The following ATPAF2 variants were observed in gnomAD, a reference collection of about 807,000 sequenced individuals.
ATPAF2 encodes ATP12 homolog.
ATPAF2 carries 30 observed loss-of-function variants against 36.6 expected under a neutral mutation model. The ratio of observed to expected loss-of-function variants is 0.82; its 90% CI spans 0.61 to 1.11. The LOEUF (loss-of-function observed/expected upper bound fraction) is 1.11. ATPAF2 is among the 50% of genes most tolerant of loss of function. The pLI is 0.00. For missense variants in ATPAF2, 321 were observed against 372.3 expected, an observed-to-expected ratio of 0.86 and a Z score of 1.13; for synonymous variants, 140 against 152.6, an observed-to-expected ratio of 0.92 and a Z score of 0.61.
downstream of ATPAF2, chr17:18,016,591 C>T (rs375162242): frequency 5.5e-5 from 89 of 1,613,610 alleles, no homozygotes; most frequent in Non-Finnish European, 6.8e-5. Flanking sequence ...GAACCGCAAG[C>T]GCGTGAAGGA....
intron 1 of ATPAF2, among the ~76,000 whole-genome samples, chr17:18,033,484 G>A (rs1326954638): frequency 6.6e-6 from 1 of 151,866 alleles, no homozygotes; most frequent in East Asian, 1.9e-4. Flanking sequence ...CATGTTCTCG[G>A]TGAATACATG....
At chr17:18,029,837 C>T (rs1567577110) in intron 1 of ATPAF2, among the ~76,000 whole-genome samples, 1 of 147,440 alleles carries the variant, frequency 6.8e-6, no homozygotes, top group South Asian at 2.1e-4. Flanking sequence ...GTGATCCAAC[C>T]CGTGAGCCAC....
At chr17:18,028,590 G>C in intron 2 of ATPAF2, 25 bp downstream of exon 2, 1 of 1,490,428 alleles carries the variant, frequency 6.7e-7, no homozygotes. Context: ...AAAAAAAAGA[G>C]GCAGTCAAAA....
At chr17:18,033,831 A>G (rs1362456572) in intron 1 of ATPAF2, among the ~76,000 whole-genome samples, 1 of 152,192 alleles carries the variant, frequency 6.6e-6, no homozygotes, top group Non-Finnish European at 1.5e-5. Flanking sequence ...TAACAAAAAG[A>G]CAAATAGGCT....
intron 4 of ATPAF2, chr17:18,026,039 C>T: frequency 1.9e-6 from 1 of 535,602 alleles, no homozygotes; most frequent in South Asian, 2.0e-5. Context: ...GCCTAAGGGG[C>T]CTGTGGTCAC....
At chr17:18,036,627 T>A (rs1014078368) in intron 1 of ATPAF2, among the ~76,000 whole-genome samples, 1 of 151,978 alleles carries the variant, frequency 6.6e-6, no homozygotes, top group Non-Finnish European at 1.5e-5. Context: ...CCCTTCTCAT[T>A]CATTCATTCC....
intron 3 of ATPAF2, 60 bp downstream of exon 3, chr17:18,028,172 T>A (rs751052829): frequency 7.5e-6 from 12 of 1,610,330 alleles, no homozygotes; most frequent in Middle Eastern, 1.7e-4. Context: ...TGGTAAAGGG[T>A]CTACCCTACG....
chr17:18,030,808 C>T (rs1185557378), intron 1 of ATPAF2, among the ~76,000 whole-genome samples: 2 of 142,340 alleles, frequency 1.4e-5, no homozygotes, highest in Non-Finnish European at 3.0e-5. Flanking sequence ...GCTGCGACTA[C>T]AGGCGCCGCC....
At chr17:18,036,752 T>C (rs754570449) in intron 1 of ATPAF2, among the ~76,000 whole-genome samples, 8 of 152,180 alleles carry the variant, frequency 5.3e-5, no homozygotes, top group Non-Finnish European at 1.0e-4. Context: ...GCCACCATTA[T>C]GTAAAGTGAG....
rs894552601 is a variant in ATPAF2 at position 18,028,379 on chromosome 17, T to C, written c.179-2A>G. On this transcript the variant is annotated splice_acceptor_variant, in intron 2 of 7. Transcript: ENST00000474627. LOFTEE classifies it high-confidence loss of function. ...GGTCCAGGTTTATCTCAAAGCCACC[T>C]TGAAAGATCAAATGAAAAACTCTCA... The C allele has an allele frequency of 6.2e-7, 1 of 1,613,964 alleles. No homozygotes were observed. Among genetic ancestry groups the C allele is most frequent in the Middle Eastern group, 1.6e-4 (1 of 6,062 alleles).
chr17:18,018,735 T>A (rs759271398), intron 7 of ATPAF2, 49 bp from the exon 8 acceptor site: 1 of 1,613,140 alleles, frequency 6.2e-7, no homozygotes, highest in South Asian at 1.1e-5. Context: ...AGTGCCTGGC[T>A]GCCTCCTGAC....
chr17:18,029,251 C>T (rs1254709154), intron 1 of ATPAF2, among the ~76,000 whole-genome samples: 1 of 152,218 alleles, frequency 6.6e-6, no homozygotes, highest in African/African-American at 2.4e-5. Flanking sequence ...AATCTATGTC[C>T]TTTGTTTTCT....
intron 4 of ATPAF2, 36 bp downstream of exon 4, chr17:18,026,283 C>G (rs755847869): frequency 6.4e-7 from 1 of 1,567,690 alleles, no homozygotes. Flanking sequence ...AAAATAGCCT[C>G]AATCCAAGGG....
intron 5 of ATPAF2, 114 bp from the exon 6 acceptor site, chr17:18,021,971 G>A: frequency 1.1e-6 from 1 of 929,932 alleles, no homozygotes; most frequent in Non-Finnish European, 1.7e-6. Flanking sequence ...ATTGGCCAAG[G>A]AGCTAGTCTT....
At chr17:18,019,143 A>ACCACC (rs1452853769) in intron 7 of ATPAF2, among the ~76,000 whole-genome samples, 3 of 129,496 alleles carry the variant, frequency 2.3e-5, no homozygotes, top group Non-Finnish European at 3.2e-5. Flanking sequence ...CTGTCTCAAA[A>ACCACC]ACACCACACA....
At chr17:18,037,010 G>A (rs552847646) in intron 1 of ATPAF2, among the ~76,000 whole-genome samples, 1 of 151,954 alleles carries the variant, frequency 6.6e-6, no homozygotes, top group Non-Finnish European at 1.5e-5. Context: ...GGTAGAGGTT[G>A]CAGTGAGCCA....
At chr17:18,027,081 C>T (rs988917246) in intron 3 of ATPAF2, among the ~76,000 whole-genome samples, 3 of 151,968 alleles carry the variant, frequency 2.0e-5, no homozygotes, top group Non-Finnish European at 4.4e-5. Flanking sequence ...ATTAGCCTGG[C>T]ATGGTGGTGG....
At chr17:18,027,608 A>G (rs1427823486) in intron 3 of ATPAF2, among the ~76,000 whole-genome samples, 1 of 152,190 alleles carries the variant, frequency 6.6e-6, no homozygotes, top group East Asian at 1.9e-4. Context: ...ACAGTTTAGA[A>G]GCTGCAGAGG....
At chr17:18,016,345 A>G (rs2044362775), downstream of ATPAF2, 4 of 959,774 alleles carry the variant, frequency 4.2e-6, no homozygotes, top group African/African-American at 4.9e-5. Context: ...ACTGAAGACA[A>G]CATTGCCCAG....
Sources: allele counts gnomAD v4.1 joint callset (sites outside exome capture counted in the v4.1 genomes callset), GRCh38; gene constraint gnomAD v4.1.1; transcripts MANE v1.5; gene names NCBI Gene and HGNC (gene_info 2026-07-23, HGNC 2026-07-21).